The following AK9 variants were observed in gnomAD, a reference collection of about 807,000 sequenced individuals.
AK9 encodes the protein adenylate kinase 9, also known as adenylate kinase domain containing 1.
A neutral mutation model predicts 239.6 loss-of-function variants in AK9; 191 were observed. That is an observed-to-expected ratio of 0.80 (90% confidence interval 0.71 to 0.90). The LOEUF is 0.90. Among genes scored for constraint, AK9 ranks in the 40% least tolerant of loss-of-function variants. The pLI, the probability that AK9 is intolerant of heterozygous loss-of-function variation, is 0.00. For missense variants in AK9, 1,995 were observed against 2,214.7 expected (o/e 0.90, Z 1.99); for synonymous variants, 689 against 721.0 (o/e 0.96, Z 0.71).
chr6:109,609,893 A>T (rs1191775933), intron 17 of AK9, among the ~76,000 whole-genome samples: 1 of 151,262 alleles, frequency 6.6e-6, no homozygotes, highest in African/African-American at 2.4e-5. Context: ...GCATTTGAGG[A>T]TTTTTTTTTC....
chr6:109,682,426 C>CA (rs57215335), intron 1 of AK9, among the ~76,000 whole-genome samples: 1,271 of 68,416 alleles, frequency 0.019, 54 homozygotes, highest in South Asian at 0.037. Flanking sequence ...GACTCCGTCT[C>CA]AAAAAAAAAA....
chr6:109,641,885 CA>C (rs1797497410), intron 9 of AK9, among the ~76,000 whole-genome samples: 1 of 152,136 alleles, frequency 6.6e-6, no homozygotes, highest in Non-Finnish European at 1.5e-5. Flanking sequence ...ACCTTATTTC[CA>C]AATAAGGTCA....
intron 11 of AK9, 29 bp downstream of exon 11, chr6:109,633,155 T>TAAA: frequency 6.4e-7 from 1 of 1,571,136 alleles, no homozygotes; most frequent in African/African-American, 1.4e-5. Context: ...GAGGAAGATT[T>TAAA]AAAATTAAGT....
chr6:109,651,832 C>A (rs1408402184), intron 8 of AK9, among the ~76,000 whole-genome samples: 1 of 152,102 alleles, frequency 6.6e-6, no homozygotes, highest in Non-Finnish European at 1.5e-5. Flanking sequence ...TGGACATATA[C>A]ACCCTCCCAA....
Position 109,553,485 on chromosome 6 carries a change from T to C in AK9, c.2752-3183A>G, listed in dbSNP as rs147715123. On this transcript the variant is annotated intron_variant, in intron 24 of 40. Coordinates refer to ENST00000424296, the MANE Select transcript of AK9 (RefSeq NM_001145128.3). The stretch of plus-strand genomic sequence containing the variant: ...GTGATTGTGAATGGAAGTTCATTCA[T>C]GATTTGGCTCTCTGCTTGCCTATTG... Among the ~76,000 whole-genome samples the C allele has an allele frequency of 6.5e-3, 988 of 152,332 alleles. 7 individuals are homozygous for C. The highest frequency in any genetic ancestry group is 8.4e-3 in the Non-Finnish European group (571 of 68,024).
intron 25 of AK9, chr6:109,549,822 T>C (rs1377865684): frequency 2.8e-5 from 7 of 253,946 alleles, no homozygotes; most frequent in African/African-American, 1.6e-4. Context: ...CGCGCCACCA[T>C]GCCCGGCTAA....
intron 12 of AK9, chr6:109,632,647 G>A (rs892895155): frequency 1.1e-5 from 7 of 618,616 alleles, no homozygotes; most frequent in Non-Finnish European, 1.1e-5. Context: ...AAAGCTAATA[G>A]GTGGCAGAGT....
chr6:109,656,113 G>T (rs919957545), intron 8 of AK9, among the ~76,000 whole-genome samples: 1 of 152,118 alleles, frequency 6.6e-6, no homozygotes, highest in Non-Finnish European at 1.5e-5. Context: ...GGCTAAATGC[G>T]CAAGTTCAAT....
At position 109,656,940 on chromosome 6, in the gene AK9, C is replaced by T. The variant is rs879135403; in HGVS notation, c.631-56G>A. ...TTTAGGTCAATGACTATTCAATTTA[C>T]AAGCCATATTCCCCACTCCTTACAC... On this transcript the variant is annotated intron_variant, in intron 7 of 40. Coordinates refer to ENST00000424296, the MANE Select transcript of AK9 (RefSeq NM_001145128.3). 38 of 1,563,590 alleles carry T rather than the reference C, an allele frequency of 2.4e-5. No homozygotes were observed. In the East Asian group the frequency reaches 6.3e-4, roughly 26 times the overall value.
At chr6:109,602,012 G>A (rs1467024322) in intron 17 of AK9, among the ~76,000 whole-genome samples, 2 of 152,126 alleles carry the variant, frequency 1.3e-5, no homozygotes, top group Admixed American at 1.3e-4. Flanking sequence ...ACACTGATGG[G>A]TCTTGACTCT....
At chr6:109,515,721 A>AT (rs1475828708) in intron 31 of AK9, 136 bp downstream of exon 31, 2 of 799,928 alleles carry the variant, frequency 2.5e-6, no homozygotes, top group Non-Finnish European at 1.9e-6. Context: ...ATCCCAAAGT[A>AT]TTTTTATAGC....
At chr6:109,578,920 T>G (rs1018825221) in intron 20 of AK9, among the ~76,000 whole-genome samples, 6 of 152,236 alleles carry the variant, frequency 3.9e-5, no homozygotes, top group African/African-American at 1.2e-4. Context: ...TTTTCTTAAA[T>G]TCGCTGAGAC....
chr6:109,669,754 T>C (rs745754123), intron 5 of AK9, among the ~76,000 whole-genome samples: 1 of 152,136 alleles, frequency 6.6e-6, no homozygotes, highest in Non-Finnish European at 1.5e-5. Context: ...TGCTGGGAAT[T>C]TGGGCAAAGA....
chr6:109,520,398 T>C (rs1779717562), intron 29 of AK9, among the ~76,000 whole-genome samples: 1 of 152,152 alleles, frequency 6.6e-6, no homozygotes, highest in African/African-American at 2.4e-5. Flanking sequence ...TTTTTTGTTG[T>C]TGTTGTTGGC....
chr6:109,606,911 G>A (rs1177988188), intron 17 of AK9, among the ~76,000 whole-genome samples: 1 of 152,092 alleles, frequency 6.6e-6, no homozygotes, highest in Non-Finnish European at 1.5e-5. Flanking sequence ...ATATTTTTAA[G>A]GCTTTAAAAT....
At position 109,684,873 on chromosome 6, in the gene AK9, CAAAAAAAAAAAAAAAAAAAAAA is replaced by C. The variant is rs60500211; in HGVS notation, c.-12+6252_-12+6273del. ...TGGGCGACAGAGTGAGACTCCGTCT[CAAAAAAAAAAAAAAAAAAAAAA>C]AAAAAAAAAAAAAAAAAGTAGGCAA... is the stretch of plus-strand genomic sequence containing the variant. On this transcript the variant is annotated intron_variant, in intron 1 of 40. Coordinates refer to ENST00000424296, the MANE Select transcript of AK9 (RefSeq NM_001145128.3). Among the ~76,000 whole-genome samples the C allele has an allele frequency of 3.7e-4, 8 of 21,872 alleles. 1 individual carries two copies. The highest frequency in any genetic ancestry group is 1.7e-3 in the Admixed American group (2 of 1,180). The allele number at this position is 21,872 out of a possible 152,430, so 14.3% of individuals were successfully genotyped here.
At chr6:109,639,077 G>A (rs1030197349) in intron 10 of AK9, among the ~76,000 whole-genome samples, 5 of 152,194 alleles carry the variant, frequency 3.3e-5, no homozygotes, top group Admixed American at 2.6e-4. Flanking sequence ...TTGGTTCCAA[G>A]TCTTTGTAAT....
In AK9 at chr6:109,504,577, G is replaced by C. The variant is rs552532564; in HGVS notation, c.4849+1750C>G. Among the ~76,000 whole-genome samples, 12 of 152,244 alleles carry C rather than the reference G, an allele frequency of 7.9e-5. No individual in the cohort carries two copies. The South Asian group carries it at 2.5e-3, about 32-fold the overall frequency. ...TAATACTAGCACTTTGGGAGGCAGA[G>C]GAGGGTGGATCACCCGAGGTCGGGA... On this transcript the variant is annotated intron_variant, in intron 35 of 40. Transcript: ENST00000424296.
chr6:109,516,633 T>C lies in AK9; in HGVS notation c.3643A>G (p.Arg1215Gly), dbSNP rs1430106615. The C allele has an allele frequency of 3.2e-6, 5 of 1,548,434 alleles. No homozygotes were observed. In the East Asian group the frequency reaches 9.8e-5, roughly 30 times the overall value. ...RDKKRRENVV[R>G]DDEEISEEEL... is the part of the protein sequence containing the mutation. ...TCCTCACTAATCTCTTCATCATCTC[T>C]AACAACATTCTAAGGAAGAAAATAT... The change falls in exon 30 of 41, where the codon AGA becomes GGA. Residue 1215 changes from arginine to glycine, a missense_variant. This residue lies in a region of AK9 where 1,290 missense variants were observed against 1,392.7 expected (regional missense o/e 0.93). Coordinates refer to ENST00000424296, the MANE Select transcript of AK9 (RefSeq NM_001145128.3).
Sources: allele counts gnomAD v4.1 joint callset (sites outside exome capture counted in the v4.1 genomes callset), GRCh38; gene constraint gnomAD v4.1.1; regional missense constraint gnomAD v4.1.1; transcripts MANE v1.5; gene names NCBI Gene and HGNC (gene_info 2026-07-23, HGNC 2026-07-21).